Variants in LARGE1 observed in about 807,000 individuals in gnomAD.
The protein encoded by LARGE1 is LARGE xylosyl- and glucuronyltransferase 1.
A neutral mutation model predicts 87.6 loss-of-function variants in LARGE1; 43 were observed. The ratio of observed to expected loss-of-function variants is 0.49; its 90% CI spans 0.38 to 0.63. The LOEUF is 0.63. Ranked by LOEUF, LARGE1 falls within the 30% of genes least tolerant of loss-of-function variation. The pLI, the probability that LARGE1 is intolerant of heterozygous loss-of-function variation, is 0.00. For missense variants in LARGE1, 802 were observed against 1,000.2 expected, an observed-to-expected ratio of 0.80 and a Z score of 2.67; for synonymous variants, 434 against 394.6, an observed-to-expected ratio of 1.10 and a Z score of -1.18.
rs146604694 is a variant in LARGE1, at chr22:33,453,142, C to T, written c.788-20877G>A. Among the ~76,000 whole-genome samples the T allele has an allele frequency of 1.1e-4, 16 of 152,300 alleles. No homozygotes were observed. In the East Asian group the frequency reaches 2.1e-3, roughly 20 times the overall value. On this transcript the variant is annotated intron_variant, in intron 6 of 14. Coordinates refer to ENST00000397394, the MANE Select transcript of LARGE1 (RefSeq NM_133642.5). ...TGAAAGGTTGTTGTTTCAGGCCGGG[C>T]GTGGTGGCTCACGCCTGTAATCCCA...
At chr22:33,175,771 C>T (rs1489209222) in intron 11 of LARGE1, among the ~76,000 whole-genome samples, 4 of 152,090 alleles carry the variant, frequency 2.6e-5, no homozygotes, top group Admixed American at 2.0e-4. Context: ...ATCAAGTTAC[C>T]ATTGACTTTT....
At chr22:33,721,574 G>C (rs2083098071) in intron 2 of LARGE1, among the ~76,000 whole-genome samples, 1 of 152,206 alleles carries the variant, frequency 6.6e-6, no homozygotes, top group African/African-American at 2.4e-5. Context: ...TTCTCAGCAA[G>C]TGTCTTTAAA....
intron 5 of LARGE1, chr22:33,572,321 G>C (rs1016281340): frequency 2.0e-6 from 1 of 510,142 alleles, no homozygotes; most frequent in Non-Finnish European, 3.0e-6. Flanking sequence ...AGAAACAGAA[G>C]TGGGGCGGGG....
chr22:33,845,599 C>T (rs1239000946), intron 1 of LARGE1, among the ~76,000 whole-genome samples: 5 of 152,160 alleles, frequency 3.3e-5, no homozygotes, highest in African/African-American at 4.8e-5. Flanking sequence ...TGAGCCACCA[C>T]GCCTGGCCTA....
chr22:33,741,813 C>A (rs568152497), intron 2 of LARGE1, among the ~76,000 whole-genome samples: 38 of 152,318 alleles, frequency 2.5e-4, no homozygotes, highest in Non-Finnish European at 5.0e-4. Flanking sequence ...TCCAACCTTT[C>A]CAAAGCCCAG....
At chr22:33,879,888 C>CG (rs1293490995) in intron 1 of LARGE1, among the ~76,000 whole-genome samples, 1 of 152,212 alleles carries the variant, frequency 6.6e-6, no homozygotes, top group Non-Finnish European at 1.5e-5. Context: ...TAAGCATCTG[C>CG]TGATTAAATG....
intron 1 of LARGE1, among the ~76,000 whole-genome samples, chr22:33,765,709 A>AG: frequency 1.4e-5 from 2 of 144,528 alleles, no homozygotes; most frequent in Middle Eastern, 7.0e-3. Context: ...CCATCTCACA[A>AG]AAAAAAAAAA....
intron 6 of LARGE1, among the ~76,000 whole-genome samples, chr22:33,434,889 A>G (rs2067210595): frequency 6.6e-6 from 1 of 152,006 alleles, no homozygotes; most frequent in South Asian, 2.1e-4. Context: ...CATCTCCAGC[A>G]TGAAGCCTTT....
At chr22:33,811,838 C>T (rs1488547491) in intron 1 of LARGE1, among the ~76,000 whole-genome samples, 1 of 152,092 alleles carries the variant, frequency 6.6e-6, no homozygotes, top group Non-Finnish European at 1.5e-5. Context: ...AGGAGGAGGC[C>T]GGAGCATCAG....
intron 11 of LARGE1, among the ~76,000 whole-genome samples, chr22:33,315,394 A>T (rs189234473): frequency 3.0e-4 from 46 of 152,308 alleles, no homozygotes; most frequent in African/African-American, 1.1e-3. Flanking sequence ...GAAATGCTTG[A>T]TGGATGTTTG....
intron 6 of LARGE1, among the ~76,000 whole-genome samples, chr22:33,475,890 G>C (rs2069057525): frequency 6.6e-6 from 1 of 152,180 alleles, no homozygotes; most frequent in Non-Finnish European, 1.5e-5. Flanking sequence ...GGTGTTATTA[G>C]AGAATATTGT....
intron 2 of LARGE1, chr22:33,746,377 G>A (rs1485518245): frequency 1.3e-5 from 2 of 152,160 alleles, no homozygotes; most frequent in Non-Finnish European, 2.9e-5. Context: ...TTTTATTTCT[G>A]GCACTTCAAG....
chr22:33,796,804 TGTCGCTCC>T (rs1284038369), intron 1 of LARGE1, among the ~76,000 whole-genome samples: 1 of 141,880 alleles, frequency 7.0e-6, no homozygotes, highest in Admixed American at 7.4e-5. Context: ...TGAGATGGGA[TGTCGCTCC>T]GTCTCCTAGG....
At chr22:33,709,053 T>C (rs973583624) in intron 2 of LARGE1, among the ~76,000 whole-genome samples, 1 of 152,130 alleles carries the variant, frequency 6.6e-6, no homozygotes, top group Non-Finnish European at 1.5e-5. Context: ...AATGACCTCA[T>C]TTTACTTTAA....
chr22:33,169,203 T>C (rs1922429625), intron 11 of LARGE1, among the ~76,000 whole-genome samples: 1 of 152,234 alleles, frequency 6.6e-6, no homozygotes, highest in Non-Finnish European at 1.5e-5. Context: ...CAAAGTCATA[T>C]GTAATTGATG....
At chr22:33,601,640 C>G (rs939506046) in intron 5 of LARGE1, among the ~76,000 whole-genome samples, 2 of 152,106 alleles carry the variant, frequency 1.3e-5, no homozygotes, top group Non-Finnish European at 2.9e-5. Flanking sequence ...ACAACACTCT[C>G]ATGGGATTCA....
intron 6 of LARGE1, among the ~76,000 whole-genome samples, chr22:33,507,096 A>G (rs1254995292): frequency 6.6e-6 from 1 of 152,186 alleles, no homozygotes; most frequent in African/African-American, 2.4e-5. Context: ...TGATCCAAGT[A>G]AACACCCCCC....
chr22:33,650,455 C>T lies in LARGE1; in HGVS notation c.320G>A (p.Gly107Asp). Residue 107 changes from glycine to aspartate, a missense_variant, in exon 3 of 15, where the codon GGC becomes GAC. Physicochemically the swap from Gly to Asp is moderately conservative, Grantham distance 94. Transcript: ENST00000397394. ...NHSKTYSMEE[G>D]TGDSENLRAG... Reference sequence around the variant, plus strand: ...CCGAAGGTTCTCGCTGTCTCCAGTGCCCTCCTCCATGGAGTAGGTCTTGGA... The same window carrying T: ...CCGAAGGTTCTCGCTGTCTCCAGTGTCCTCCTCCATGGAGTAGGTCTTGGA... 6.2e-7 allele frequency: 1 copy of T among 1,614,112 alleles called. No individual in the cohort carries two copies. The highest frequency in any genetic ancestry group is 8.5e-7 in the Non-Finnish European group (1 of 1,180,042).
chr22:33,387,702 G>A (rs1053255141), intron 7 of LARGE1, among the ~76,000 whole-genome samples: 3 of 152,216 alleles, frequency 2.0e-5, no homozygotes, highest in Admixed American at 1.3e-4. Context: ...CTGAAAAGTC[G>A]GAATGTCTAA....
Sources: gnomAD v4.1 joint callset for allele counts (sites outside exome capture counted in the v4.1 genomes callset) on GRCh38, gnomAD v4.1.1 for gene constraint, MANE v1.5 for transcripts, NCBI Gene and HGNC (gene_info 2026-07-23, HGNC 2026-07-21) for gene names.